Variants in MAP3K5 observed in about 807,000 individuals in gnomAD.
The protein encoded by MAP3K5 is mitogen-activated protein kinase kinase kinase 5, also known as ASK-1.
In MAP3K5, 56 loss-of-function variants were observed where a neutral mutation model predicts 158.7. The observed-to-expected ratio is 0.35, with a 90% CI of 0.28 to 0.44. The LOEUF is 0.44. Ranked by LOEUF, MAP3K5 falls within the 20% of genes least tolerant of loss-of-function variation. MAP3K5 has a pLI of 1.00. For synonymous variants in MAP3K5, 579 were observed against 601.7 expected (o/e 0.96, Z 0.55); for missense variants, 1,294 against 1,674.8 (o/e 0.77, Z 3.97).
intron 7 of MAP3K5, among the ~76,000 whole-genome samples, chr6:136,693,601 C>A (rs1780479331): frequency 6.6e-6 from 1 of 151,478 alleles, no homozygotes; most frequent in Admixed American, 6.6e-5. Context: ...TTTAAAATAT[C>A]TTTTTAAAAT....
intron 1 of MAP3K5, among the ~76,000 whole-genome samples, chr6:136,788,821 C>T (rs1324127542): frequency 2.0e-5 from 3 of 152,170 alleles, no homozygotes; most frequent in Admixed American, 6.5e-5. Context: ...ATTTGTCCTG[C>T]CACCGTGGAA....
intron 1 of MAP3K5, among the ~76,000 whole-genome samples, chr6:136,789,588 C>G (rs1258267412): frequency 6.6e-6 from 1 of 151,362 alleles, no homozygotes; most frequent in African/African-American, 2.4e-5. Context: ...CCAGCTCACT[C>G]ACATGATTCC....
At position 136,672,058 on chromosome 6, in the gene MAP3K5, C is replaced by T. The variant is rs139419622; in HGVS notation, c.1254-2663G>A. Among the ~76,000 whole-genome samples, 113 of 152,116 alleles carry T rather than the reference C, an allele frequency of 7.4e-4. 1 individual carries two copies. In the East Asian group the frequency reaches 0.022, roughly 29 times the overall value. Reference sequence around the variant, plus strand: ...GCATTTGTTACAAGATGAAAAATTACCCTAAATTTCCAATAATACTATAAA... The same window carrying T: ...GCATTTGTTACAAGATGAAAAATTATCCTAAATTTCCAATAATACTATAAA... On this transcript the variant is annotated intron_variant, in intron 7 of 29. Coordinates refer to ENST00000359015, the MANE Select transcript of MAP3K5 (RefSeq NM_005923.4).
intron 7 of MAP3K5, among the ~76,000 whole-genome samples, chr6:136,670,889 A>G (rs1779453882): frequency 6.6e-6 from 1 of 152,196 alleles, no homozygotes; most frequent in Non-Finnish European, 1.5e-5. Flanking sequence ...AGCATTTTTT[A>G]ATGTTTCCAG....
intron 1 of MAP3K5, among the ~76,000 whole-genome samples, chr6:136,761,980 G>A (rs974608076): frequency 5.3e-5 from 8 of 152,154 alleles, no homozygotes; most frequent in South Asian, 2.1e-4. Flanking sequence ...CAATCCTGCC[G>A]AAAATTAAAA....
intron 7 of MAP3K5, among the ~76,000 whole-genome samples, chr6:136,675,593 A>T (rs945663790): frequency 1.3e-5 from 2 of 152,170 alleles, no homozygotes; most frequent in Admixed American, 1.3e-4. Flanking sequence ...ATATGTTGTT[A>T]TATATAAGGT....
At chr6:136,743,824 G>C (rs1056056945) in intron 1 of MAP3K5, among the ~76,000 whole-genome samples, 10 of 152,134 alleles carry the variant, frequency 6.6e-5, no homozygotes, top group Non-Finnish European at 1.3e-4. Context: ...ATAAACTGTG[G>C]TACAGACAGA....
At chr6:136,722,899 G>T (rs1268468929) in intron 1 of MAP3K5, among the ~76,000 whole-genome samples, 1 of 151,774 alleles carries the variant, frequency 6.6e-6, no homozygotes, top group Non-Finnish European at 1.5e-5. Context: ...TGCTGCACGG[G>T]CTGGTCTCAA....
At chr6:136,731,396 G>A (rs1782218431) in intron 1 of MAP3K5, among the ~76,000 whole-genome samples, 1 of 152,190 alleles carries the variant, frequency 6.6e-6, no homozygotes, top group Admixed American at 6.5e-5. Flanking sequence ...TGTAGGCAGT[G>A]CTCTAGAAGA....
At chr6:136,648,634 T>C (rs1387622748) in intron 11 of MAP3K5, among the ~76,000 whole-genome samples, 6 of 152,228 alleles carry the variant, frequency 3.9e-5, no homozygotes, top group African/African-American at 1.4e-4. Flanking sequence ...AATTAAAATA[T>C]AAATAACATG....
chr6:136,741,645 A>C (rs1450520607), intron 1 of MAP3K5, among the ~76,000 whole-genome samples: 1 of 152,170 alleles, frequency 6.6e-6, no homozygotes, highest in African/African-American at 2.4e-5. Flanking sequence ...CAGCTAATGA[A>C]ATAAAATGAG....
intron 1 of MAP3K5, among the ~76,000 whole-genome samples, chr6:136,725,724 T>G (rs1490242775): frequency 6.6e-6 from 1 of 152,254 alleles, no homozygotes; most frequent in African/African-American, 2.4e-5. Context: ...AACTTTTTAT[T>G]TAATGGATTG....
At chr6:136,659,191 G>C (rs371437908) in intron 9 of MAP3K5, 28 bp downstream of exon 9, 10 of 1,572,182 alleles carry the variant, frequency 6.4e-6, no homozygotes, top group Non-Finnish European at 1.7e-6. Context: ...TTTATTAATT[G>C]TATCAACATA....
At chr6:136,638,567 A>G (rs1777761322) in intron 13 of MAP3K5, among the ~76,000 whole-genome samples, 1 of 152,204 alleles carries the variant, frequency 6.6e-6, no homozygotes, top group African/African-American at 2.4e-5. Context: ...AATTTTAGCT[A>G]TAATTATCAT....
intron 8 of MAP3K5, among the ~76,000 whole-genome samples, chr6:136,668,170 A>G (rs1410334994): frequency 2.0e-5 from 3 of 151,504 alleles, no homozygotes; most frequent in African/African-American, 7.3e-5. Context: ...GCTTGAAGCC[A>G]GGAGTTCAAG....
At chr6:136,684,555 C>T (rs1437432212) in intron 7 of MAP3K5, among the ~76,000 whole-genome samples, 1 of 152,120 alleles carries the variant, frequency 6.6e-6, no homozygotes, top group Admixed American at 6.5e-5. Context: ...CTTGGATCAT[C>T]TCCAGGGGTT....
chr6:136,745,726 CAGA>C (rs1411815019), intron 1 of MAP3K5, among the ~76,000 whole-genome samples: 4 of 152,146 alleles, frequency 2.6e-5, no homozygotes, highest in Non-Finnish European at 5.9e-5. Flanking sequence ...GCTACACACA[CAGA>C]AGAAGGGCCC....
chr6:136,780,817 CT>C (rs1784583317), intron 1 of MAP3K5, among the ~76,000 whole-genome samples: 1 of 151,982 alleles, frequency 6.6e-6, no homozygotes, highest in East Asian at 1.9e-4. Flanking sequence ...ATTTTTTTAA[CT>C]TTTTTTCTAA....
chr6:136,583,411 G>A (rs1562522832), intron 24 of MAP3K5, 144 bp downstream of exon 24: 1 of 718,140 alleles, frequency 1.4e-6, no homozygotes, highest in Non-Finnish European at 2.2e-6. Context: ...GAAGCACACT[G>A]AGAGGCGAAT....
Sources: gnomAD v4.1 joint callset for allele counts (sites outside exome capture counted in the v4.1 genomes callset) on GRCh38, gnomAD v4.1.1 for gene constraint, MANE v1.5 for transcripts, NCBI Gene and HGNC (gene_info 2026-07-23, HGNC 2026-07-21) for gene names.